NFX1: variants seen among roughly 807,000 people sequenced by gnomAD.
NFX1 encodes the protein nuclear transcription factor, X-box binding 1.
A neutral mutation model predicts 137.2 loss-of-function variants in NFX1; 69 were observed. The ratio of observed to expected loss-of-function variants is 0.50; its 90% CI spans 0.41 to 0.61. The LOEUF is 0.61. Ranked by LOEUF, NFX1 falls within the 20% of genes least tolerant of loss-of-function variation. NFX1 has a pLI of 0.00. For missense variants in NFX1, 1,167 were observed against 1,391.0 expected, an observed-to-expected ratio of 0.84 and a Z score of 2.56; for synonymous variants, 495 against 474.1, an observed-to-expected ratio of 1.04 and a Z score of -0.57.
intron 19 of NFX1, among the ~76,000 whole-genome samples, chr9:33,356,991 C>G (rs146531998): frequency 0.055 from 5,648 of 102,614 alleles, 151 homozygotes; most frequent in Middle Eastern, 0.099. Flanking sequence ...AATGCTGTCT[C>G]AAAAAAAAAA....
At chr9:33,366,307 G>A (rs1034406186) in intron 21 of NFX1, among the ~76,000 whole-genome samples, 1 of 151,996 alleles carries the variant, frequency 6.6e-6, no homozygotes, top group African/African-American at 2.4e-5. Context: ...TCATTTTTGG[G>A]GAATATCACC....
At chr9:33,335,730 C>T (rs1250063879) in intron 11 of NFX1, among the ~76,000 whole-genome samples, 1 of 152,080 alleles carries the variant, frequency 6.6e-6, no homozygotes, top group African/African-American at 2.4e-5. Flanking sequence ...CCCAGGTAAC[C>T]ACTGATCTGC....
intron 5 of NFX1, among the ~76,000 whole-genome samples, chr9:33,308,611 C>A (rs1310505591): frequency 6.6e-6 from 1 of 152,040 alleles, no homozygotes; most frequent in African/African-American, 2.4e-5. Flanking sequence ...AGTTATGTAA[C>A]CTTGGACAAG....
rs368993458 is a variant in NFX1, at chr9:33,326,413, TAAAAAA to T, written c.1907-2149_1907-2144del. ...GGGCAACAGAGCAAGCCTCTGTCTTTAAAAAAAAAAAAAAAAAAAAAAAAGCTGGGC... is the reference window on the plus strand; with the variant it reads ...GGGCAACAGAGCAAGCCTCTGTCTTTAAAAAAAAAAAAAAAAAAGCTGGGC... On this transcript the variant is annotated intron_variant, in intron 9 of 23. Transcript: ENST00000379540. 6.8e-5 allele frequency among the ~76,000 whole-genome samples: 6 copies of T among 88,798 alleles called. No individual in the cohort carries two copies. In the South Asian group the frequency reaches 1.0e-3, roughly 15 times the overall value. The allele number at this position is 88,798 out of a possible 152,430, so 58.3% of individuals were successfully genotyped here.
At chr9:33,322,947 G>C (rs1236320551) in intron 9 of NFX1, among the ~76,000 whole-genome samples, 2 of 152,326 alleles carry the variant, frequency 1.3e-5, no homozygotes, top group Non-Finnish European at 2.9e-5. Flanking sequence ...AAATCTCAAA[G>C]ACTTACAGCA....
At chr9:33,290,717 T>G in intron 1 of NFX1, 120 bp downstream of exon 1, 1 of 998,174 alleles carries the variant, frequency 1.0e-6, no homozygotes, top group African/African-American at 1.6e-5. Context: ...GGGCGTAGGA[T>G]AGTGGCTCGG....
chr9:33,291,206 T>C (rs551005436), intron 1 of NFX1, among the ~76,000 whole-genome samples: 74 of 152,344 alleles, frequency 4.9e-4, no homozygotes, highest in South Asian at 8.3e-4. Context: ...TTCGTTGATA[T>C]AACATCCATT....
In NFX1 at chr9:33,364,701, AT is replaced by A. The variant is rs1381079007; in HGVS notation, c.2973-4del. On this transcript the variant is annotated splice_region_variant and splice_polypyrimidine_tract_variant and intron_variant, in intron 20 of 23. Transcript: ENST00000379540. ...AGACAAAATTAACTGGTGATTTCTC[AT>A]TTCAGGAAGGACTTAAAGTTTGTCA... is the stretch of plus-strand genomic sequence containing the variant. 6.2e-7 allele frequency: 1 copy of A among 1,612,062 alleles called. No individual in the cohort carries two copies. The highest frequency in any genetic ancestry group is 1.1e-5 in the South Asian group (1 of 90,676).
At chr9:33,365,356 A>G (rs1824139560) in intron 21 of NFX1, 1 of 152,500 alleles carries the variant, frequency 6.6e-6, no homozygotes, top group African/African-American at 2.4e-5. Context: ...CTGTAATCCC[A>G]GCGCTTTGGG....
chr9:33,317,380 CTG>C (rs1376099686), intron 7 of NFX1, among the ~76,000 whole-genome samples: 1 of 143,410 alleles, frequency 7.0e-6, no homozygotes. Flanking sequence ...GTTCACATGA[CTG>C]CACTCCAGCC....
rs550554592 is a variant in NFX1, at chr9:33,333,421, A to G, written c.2035+919A>G. On this transcript the variant is annotated intron_variant, in intron 11 of 23. Transcript: ENST00000379540. ...TAGCTCAGTGATTTTGAAGACTTCA[A>G]TTTGGCTTCTCTGTGGTTTTCTTGA... 3.3e-5 allele frequency among the ~76,000 whole-genome samples: 5 copies of G among 152,316 alleles called. No homozygotes were observed. The East Asian group carries it at 9.6e-4, about 29-fold the overall frequency.
At chr9:33,364,473 T>A (rs1293431712) in intron 20 of NFX1, among the ~76,000 whole-genome samples, 2 of 152,200 alleles carry the variant, frequency 1.3e-5, no homozygotes, top group Non-Finnish European at 2.9e-5. Context: ...AGCTCTTATT[T>A]TTCTCCTGGA....
At chr9:33,362,882 T>G (rs1395724089) in intron 19 of NFX1, among the ~76,000 whole-genome samples, 2 of 151,972 alleles carry the variant, frequency 1.3e-5, no homozygotes, top group East Asian at 3.9e-4. Context: ...TTTTGTGTTT[T>G]TAGTAGAGAC....
rs146508853 is a variant in NFX1 at position 33,366,684 on chromosome 9, G to A, written c.3095G>A (p.Arg1032Gln). The change falls in exon 22 of 24, where the codon CGG becomes CAG. Residue 1032 changes from arginine (R) to glutamine (Q), a missense_variant. Arg to Gln is a conservative substitution (Grantham distance 43). Around this residue, in one of 3 missense-constraint regions of NFX1, gnomAD observed 312 missense variants for 312.8 expected, o/e 1.00. Coordinates refer to ENST00000379540, the MANE Select transcript of NFX1 (RefSeq NM_002504.6). ...SFPPMNRDHR[R>Q]IIHDLAQVYG... ...CCTCCCATGAACAGAGACCACCGCC[G>A]GATCATCCATGACTTGGCCCAAGTT... 0.016 allele frequency: 26,564 copies of A among 1,614,122 alleles called. 264 individuals are homozygous for A. Among genetic ancestry groups the A allele is most frequent in the Non-Finnish European group, 0.019 (22,820 of 1,180,014 alleles).
chr9:33,311,679 A>G (rs888521665), intron 6 of NFX1, among the ~76,000 whole-genome samples: 1 of 151,950 alleles, frequency 6.6e-6, no homozygotes, highest in Non-Finnish European at 1.5e-5. Flanking sequence ...CAGCCTCCCA[A>G]GTAGCTGGGA....
intron 5 of NFX1, among the ~76,000 whole-genome samples, chr9:33,310,853 ATATAACCAG>A (rs1380478397): frequency 6.6e-6 from 1 of 152,218 alleles, no homozygotes; most frequent in Non-Finnish European, 1.5e-5. Context: ...TCAGACCCAA[ATATAACCAG>A]TATTTTGACT....
At chr9:33,346,108 T>G (rs1396073302) in intron 14 of NFX1, among the ~76,000 whole-genome samples, 1 of 152,190 alleles carries the variant, frequency 6.6e-6, no homozygotes, top group Non-Finnish European at 1.5e-5. Flanking sequence ...GTTCCCTCCT[T>G]CCTTGGGGAT....
chr9:33,291,884 C>T (rs1821175638), intron 1 of NFX1, among the ~76,000 whole-genome samples: 1 of 152,156 alleles, frequency 6.6e-6, no homozygotes, highest in Admixed American at 6.5e-5. Context: ...GCCTGGGCGA[C>T]AGAGTGTGAC....
chr9:33,358,943 C>A (rs1363851656), intron 19 of NFX1, among the ~76,000 whole-genome samples: 1 of 151,842 alleles, frequency 6.6e-6, no homozygotes, highest in Non-Finnish European at 1.5e-5. Flanking sequence ...AAGCAATCCT[C>A]CTGCCTCAGC....
Sources: gnomAD v4.1 joint callset for allele counts (sites outside exome capture counted in the v4.1 genomes callset) on GRCh38, gnomAD v4.1.1 for gene constraint, gnomAD v4.1.1 regional missense constraint, MANE v1.5 for transcripts, NCBI Gene and HGNC (gene_info 2026-07-23, HGNC 2026-07-21) for gene names.